The following FYCO1 variants were observed in gnomAD, a reference collection of about 807,000 sequenced individuals.
FYCO1 encodes FYVE and coiled-coil domain-containing protein 1.
FYCO1 carries 122 observed loss-of-function variants against 165.1 expected under a neutral mutation model. The ratio of observed to expected loss-of-function variants is 0.74; its 90% confidence interval spans 0.64 to 0.86. The LOEUF (loss-of-function observed/expected upper bound fraction) is 0.86, where lower values mean the gene tolerates loss of function less well. Ranked by LOEUF, FYCO1 falls within the 40% of genes least tolerant of loss-of-function variation. FYCO1 has a pLI of 0.00. For missense variants in FYCO1, 1,702 were observed against 1,810.3 expected, an observed-to-expected ratio of 0.94 and a Z score of 1.09; for synonymous variants, 648 against 742.5, an observed-to-expected ratio of 0.87 and a Z score of 2.07.
chr3:45,929,153 C>T (rs1361706672), intron 16 of FYCO1, among the ~76,000 whole-genome samples: 1 of 152,254 alleles, frequency 6.6e-6, no homozygotes, highest in African/African-American at 2.4e-5. Flanking sequence ...GCAGAGATAA[C>T]AGCCACCCCC....
chr3:45,970,738 C>A (rs939473731), intron 6 of FYCO1, among the ~76,000 whole-genome samples: 3 of 151,986 alleles, frequency 2.0e-5, no homozygotes, highest in African/African-American at 7.3e-5. Flanking sequence ...CTGTGCTTTG[C>A]CAACCCAACT....
intron 7 of FYCO1, 79 bp downstream of exon 7, chr3:45,969,596 T>C: frequency 1.8e-6 from 2 of 1,099,942 alleles, no homozygotes; most frequent in Non-Finnish European, 1.4e-6. Flanking sequence ...TCTGAGAACA[T>C]CACCCTTGAG....
Position 45,966,609 on chromosome 3 carries a change from C to A in FYCO1, c.2725G>T (p.Gly909Cys). Residue 909 changes from glycine to cysteine, a missense_variant, in exon 8 of 18, where the codon GGC becomes TGC. Physicochemically the swap from Gly to Cys is radical, Grantham distance 159. Transcript: ENST00000296137. ...HRANTDTAEL[G>C]IQVCALTVEK... ...ACGGTCAGTGCGCAAACCTGGATGC[C>A]CAGCTCAGCTGTGTCTGTGTTGGCC... is the stretch of plus-strand genomic sequence containing the variant. 6.2e-7 allele frequency: 1 copy of A among 1,614,202 alleles called. No individual in the cohort carries two copies. Among genetic ancestry groups the A allele is most frequent in the Non-Finnish European group, 8.5e-7 (1 of 1,180,052 alleles).
At chr3:45,960,360 G>C (rs1705625760) in intron 11 of FYCO1, among the ~76,000 whole-genome samples, 1 of 152,214 alleles carries the variant, frequency 6.6e-6, no homozygotes, top group Non-Finnish European at 1.5e-5. Flanking sequence ...CTCCATCACT[G>C]ACCAGGAACT....
intron 14 of FYCO1, chr3:45,947,073 C>A: frequency 6.2e-7 from 1 of 1,614,230 alleles, no homozygotes; most frequent in South Asian, 1.1e-5. Flanking sequence ...CCAGATGACA[C>A]TGGGGTTCTT....
chr3:45,980,330 C>T (rs1706982239), intron 3 of FYCO1, among the ~76,000 whole-genome samples: 1 of 142,972 alleles, frequency 7.0e-6, no homozygotes, highest in Non-Finnish European at 1.5e-5. Context: ...GCCTGGGCAA[C>T]AAGAGTGAAA....
intron 14 of FYCO1, among the ~76,000 whole-genome samples, chr3:45,942,812 G>T (rs1704312722): frequency 6.6e-6 from 1 of 152,236 alleles, no homozygotes; most frequent in African/African-American, 2.4e-5. Context: ...AGCCTACGCA[G>T]GGTGGGTGGG....
rs1703106050 is a variant in FYCO1, at chr3:45,921,824, C to A, written c.4378G>T (p.Val1460Leu). 1 of 1,611,604 alleles carries A rather than the reference C, an allele frequency of 6.2e-7. No individual in the cohort carries two copies. The highest frequency in any genetic ancestry group is 1.7e-5 in the Admixed American group (1 of 59,996). The change falls in exon 18 of 18, where the codon GTA becomes TTA. Residue 1460 changes from valine to leucine, a missense_variant. Coordinates refer to ENST00000296137, the MANE Select transcript of FYCO1 (RefSeq NM_024513.4). ...CGATCAACCGTCAAGTGATAAAATA[C>A]CTTTTTAGAGACAAACCTGAGGAAA... ...NTFSRFVSKK[V>L]FYHLTVDRPV...
chr3:45,944,717 T>C (rs1221713969), intron 14 of FYCO1, among the ~76,000 whole-genome samples: 3 of 152,106 alleles, frequency 2.0e-5, no homozygotes, highest in African/African-American at 7.2e-5. Flanking sequence ...TTTGCACAGG[T>C]CCTTTGAGGA....
At position 45,931,336 on chromosome 3, in the gene FYCO1, A is replaced by G. The variant is rs148269722; in HGVS notation, c.4041-55T>C. ...TTGACTGGGCAAAGTGTTTGTGTCC[A>G]CTGGCCAGGTCATCTGTGGCTCAGA... On this transcript the variant is annotated intron_variant, in intron 15 of 17. Transcript: ENST00000296137. 6.4e-4 allele frequency: 978 copies of G among 1,538,750 alleles called. 8 individuals are homozygous for G. The African/African-American group carries it at 0.011, about 17-fold the overall frequency.
intron 1 of FYCO1, among the ~76,000 whole-genome samples, chr3:45,988,697 C>T (rs574735103): frequency 3.3e-5 from 5 of 152,276 alleles, no homozygotes; most frequent in African/African-American, 1.2e-4. Context: ...ATTTCCTTGC[C>T]AACAACTCAA....
rs1180107869 is a variant in FYCO1 at position 45,958,448 on chromosome 3, C to T, written c.3759G>A (p.Leu1253=). Residue 1253 remains leucine, a synonymous_variant, in exon 13 of 18, where the codon CTG becomes CTA. Coordinates refer to ENST00000296137, the MANE Select transcript of FYCO1 (RefSeq NM_024513.4). ...CCTGGGGCCCAGGTGAGGCTGGTGA[C>T]AGTGCAGGGCTGGGCTCTCCCTGGC... ...GTSQGEPSPA[L]SPASPGPQAT... 3 of 1,612,882 alleles carry T rather than the reference C, an allele frequency of 1.9e-6. No individual in the cohort carries two copies. Among genetic ancestry groups the T allele is most frequent in the Admixed American group, 1.7e-5 (1 of 59,998 alleles).
rs1476730503 is a variant in FYCO1, at chr3:45,968,442, G to A, written c.892C>T (p.Leu298Phe). 2 of 1,613,982 alleles carry A rather than the reference G, an allele frequency of 1.2e-6. No individual in the cohort carries two copies. Among genetic ancestry groups the A allele is most frequent in the Non-Finnish European group, 1.7e-6 (2 of 1,180,004 alleles). Residue 298 changes from leucine to phenylalanine, a missense_variant, in exon 8 of 18, where the codon CTC becomes TTC. Leu to Phe is a conservative substitution (Grantham distance 22). Transcript: ENST00000296137. Reference protein sequence around the residue: ...NVRLTCLVAELQKQWEVTQAT... With the variant: ...NVRLTCLVAEFQKQWEVTQAT... The stretch of plus-strand genomic sequence containing the variant: ...TGGGTGACCTCCCACTGCTTCTGGA[G>A]CTCAGCTACCAAGCAAGTGAGGCGA...
intron 17 of FYCO1, among the ~76,000 whole-genome samples, 175 bp downstream of exon 17, chr3:45,923,481 T>C (rs1305407910): frequency 1.3e-5 from 2 of 152,180 alleles, no homozygotes; most frequent in Admixed American, 6.5e-5. Flanking sequence ...CATGAGCCTG[T>C]GTGTCACAAA....
At chr3:45,924,895 G>A (rs1242592444) in intron 16 of FYCO1, among the ~76,000 whole-genome samples, 1 of 149,618 alleles carries the variant, frequency 6.7e-6, no homozygotes, top group African/African-American at 2.5e-5. Flanking sequence ...TTACAGGTGT[G>A]AGCCACCATG....
At chr3:45,959,684 C>A in intron 11 of FYCO1, 142 bp from the exon 12 acceptor site, 6 of 897,028 alleles carry the variant, frequency 6.7e-6, no homozygotes, top group Non-Finnish European at 1.1e-5. Context: ...TATGCCCCAG[C>A]CCATGCTAAG....
intron 10 of FYCO1, among the ~76,000 whole-genome samples, chr3:45,963,188 T>C (rs1190425488): frequency 6.6e-6 from 1 of 151,944 alleles, no homozygotes; most frequent in South Asian, 2.1e-4. Flanking sequence ...AATGGCCTTA[T>C]AGGTGCACCC....
At chr3:45,979,905 TAAC>T in intron 3 of FYCO1, 75 bp from the exon 4 acceptor site, 2 of 1,566,448 alleles carry the variant, frequency 1.3e-6, no homozygotes, top group South Asian at 1.1e-5. Flanking sequence ...TGATAAATAA[TAAC>T]AATAGCTTCT....
chr3:45,981,440 C>T, intron 3 of FYCO1, 130 bp downstream of exon 3: 3 of 709,442 alleles, frequency 4.2e-6, no homozygotes, highest in South Asian at 1.5e-5. Flanking sequence ...CTGCTCTGAC[C>T]TTCAATCTAA....
Sources: gnomAD v4.1 joint callset for allele counts (sites outside exome capture counted in the v4.1 genomes callset) on GRCh38, gnomAD v4.1.1 for gene constraint, MANE v1.5 for transcripts, NCBI Gene and HGNC (gene_info 2026-07-23, HGNC 2026-07-21) for gene names.